The following RARB variants were observed in gnomAD, a reference collection of about 807,000 sequenced individuals.
The protein encoded by RARB is HBV-activated protein.
RARB carries 17 observed loss-of-function variants against 51.9 expected under a neutral mutation model. The observed-to-expected ratio is 0.33, with a 90% CI of 0.22 to 0.49. The LOEUF (loss-of-function observed/expected upper bound fraction) is 0.49. RARB is among the 20% of genes least tolerant of loss of function. RARB has a pLI of 0.99. For missense variants in RARB, 369 were observed against 550.8 expected (o/e 0.67, Z 3.30); for synonymous variants, 215 against 195.4 (o/e 1.10, Z -0.84).
chr3:25,369,511 G>A (rs183409820), intron 5 of RARB, among the ~76,000 whole-genome samples: 2 of 152,198 alleles, frequency 1.3e-5, no homozygotes, highest in African/African-American at 4.8e-5. Flanking sequence ...CCATGGCAAA[G>A]AAATATTTGG....
chr3:25,284,983 G>A (rs1296172410), intron 5 of RARB, among the ~76,000 whole-genome samples: 1 of 152,126 alleles, frequency 6.6e-6, no homozygotes, highest in African/African-American at 2.4e-5. Context: ...TGAGATAGGT[G>A]CCCTGATATT....
At chr3:25,139,907 T>C (rs1454759276) in intron 4 of RARB, among the ~76,000 whole-genome samples, 1 of 152,212 alleles carries the variant, frequency 6.6e-6, no homozygotes, top group Non-Finnish European at 1.5e-5. Context: ...TTACTGTACC[T>C]GTGCTCTATA....
intron 2 of RARB, among the ~76,000 whole-genome samples, chr3:24,887,488 T>G (rs1412756409): frequency 6.6e-6 from 1 of 152,226 alleles, no homozygotes; most frequent in African/African-American, 2.4e-5. Context: ...AGCTTTGATC[T>G]ATTTTATGAT....
chr3:25,038,061 A>G (rs1057464443), intron 2 of RARB, among the ~76,000 whole-genome samples: 8 of 152,286 alleles, frequency 5.3e-5, no homozygotes, highest in East Asian at 1.9e-4. Context: ...AACCTCTCCA[A>G]TATCACTTAG....
At chr3:25,577,775 C>T (rs936167397) in intron 4 of RARB, among the ~76,000 whole-genome samples, 1 of 152,202 alleles carries the variant, frequency 6.6e-6, no homozygotes, top group African/African-American at 2.4e-5. Context: ...GATCCATTTG[C>T]GTGGCAAAAC....
intron 3 of RARB, among the ~76,000 whole-genome samples, chr3:25,502,488 T>C (rs1697368583): frequency 6.6e-6 from 1 of 152,326 alleles, no homozygotes; most frequent in African/African-American, 2.4e-5. Context: ...CACCCAGATA[T>C]CTTTCCTAAC....
At chr3:25,402,847 A>T (rs1707301424) in intron 5 of RARB, among the ~76,000 whole-genome samples, 1 of 152,030 alleles carries the variant, frequency 6.6e-6, no homozygotes, top group Non-Finnish European at 1.5e-5. Context: ...AGGATGGTTA[A>T]TGGGTACAAA....
intron 5 of RARB, among the ~76,000 whole-genome samples, chr3:25,253,559 G>A (rs899496538): frequency 1.3e-5 from 2 of 152,122 alleles, no homozygotes; most frequent in Non-Finnish European, 2.9e-5. Context: ...CCTGGGTATA[G>A]ATAATACTGA....
At chr3:25,014,063 ACT>A (rs1697456126) in intron 2 of RARB, among the ~76,000 whole-genome samples, 1 of 152,068 alleles carries the variant, frequency 6.6e-6, no homozygotes, top group Admixed American at 6.6e-5. Context: ...AGAGCCAGAA[ACT>A]CAAAACTTAC....
chr3:24,892,395 G>A (rs1331578274), intron 2 of RARB, among the ~76,000 whole-genome samples: 2 of 151,998 alleles, frequency 1.3e-5, no homozygotes, highest in Non-Finnish European at 2.9e-5. Flanking sequence ...TCCAGTTGAT[G>A]GTATAAACTG....
At position 25,262,090 on chromosome 3, in the gene RARB, A is replaced by G. The variant is rs187358321; in HGVS notation, c.178+87515A>G. Among the ~76,000 whole-genome samples, 736 of 152,220 alleles carry G rather than the reference A, an allele frequency of 4.8e-3. 8 individuals are homozygous for G. The highest frequency in any genetic ancestry group is 7.9e-3 in the Non-Finnish European group (535 of 68,002). On this transcript the variant is annotated intron_variant, in intron 5 of 11. Transcript: ENST00000383772. ...AAGGCCAAAGACCAGACTCCCTACT[A>G]TGGGAAGCTCTCTATGACTAAACCT... is the stretch of plus-strand genomic sequence containing the variant.
intron 2 of RARB, among the ~76,000 whole-genome samples, chr3:24,859,968 C>CA (rs796092011): frequency 0.025 from 3,694 of 150,078 alleles, 152 homozygotes; most frequent in African/African-American, 0.085. Flanking sequence ...GGAATAAAAA[C>CA]AAAAAAAAAT....
At chr3:25,398,246 G>C (rs1346952930) in intron 5 of RARB, among the ~76,000 whole-genome samples, 1 of 151,990 alleles carries the variant, frequency 6.6e-6, no homozygotes, top group Non-Finnish European at 1.5e-5. Flanking sequence ...TGAACTCTAG[G>C]CCACGGTTTC....
intron 1 of RARB, among the ~76,000 whole-genome samples, chr3:25,456,727 T>G (rs1248040502): frequency 7.1e-6 from 1 of 139,916 alleles, no homozygotes; most frequent in African/African-American, 2.6e-5. Context: ...AGTCAAATAC[T>G]TAATTTTTTA....
intron 2 of RARB, among the ~76,000 whole-genome samples, chr3:24,875,369 G>A (rs942433437): frequency 1.3e-5 from 2 of 152,024 alleles, no homozygotes; most frequent in African/African-American, 4.8e-5. Context: ...TAGCATTCTG[G>A]CTCCGGACTC....
chr3:25,144,314 G>C (rs541904082), intron 4 of RARB, among the ~76,000 whole-genome samples: 1 of 152,180 alleles, frequency 6.6e-6, no homozygotes, highest in African/African-American at 2.4e-5. Context: ...AAATGGAATT[G>C]TTACCTCATG....
chr3:25,459,990 G>A (rs956268705), intron 1 of RARB, among the ~76,000 whole-genome samples: 1 of 152,082 alleles, frequency 6.6e-6, no homozygotes. Flanking sequence ...AGAACACCCC[G>A]TTCTTATATT....
At chr3:25,119,603 G>A (rs796223787) in intron 3 of RARB, among the ~76,000 whole-genome samples, 1 of 151,798 alleles carries the variant, frequency 6.6e-6, no homozygotes, top group Non-Finnish European at 1.5e-5. Context: ...TCAGATAAAT[G>A]GGTGTAACTC....
At chr3:25,069,808 G>C (rs766944884) in intron 3 of RARB, among the ~76,000 whole-genome samples, 6 of 152,168 alleles carry the variant, frequency 3.9e-5, no homozygotes, top group Non-Finnish European at 8.8e-5. Context: ...TACAAATGTT[G>C]AGACACAAAA....
Sources: allele counts gnomAD v4.1 joint callset (sites outside exome capture counted in the v4.1 genomes callset), GRCh38; gene constraint gnomAD v4.1.1; transcripts MANE v1.5; gene names NCBI Gene and HGNC (gene_info 2026-07-23, HGNC 2026-07-21).